The following ZBBX variants were observed in gnomAD, a reference collection of about 807,000 sequenced individuals.
The protein encoded by ZBBX is zinc finger B-box domain containing.
A neutral mutation model predicts 108.5 loss-of-function variants in ZBBX; 101 were observed. The ratio of observed to expected loss-of-function variants is 0.93; its 90% CI spans 0.79 to 1.10. ZBBX has a LOEUF of 1.10. ZBBX is among the 50% of genes least tolerant of loss of function. The pLI is 0.00. For synonymous variants in ZBBX, 356 were observed against 323.4 expected (o/e 1.10, Z -1.08); for missense variants, 1,009 against 941.4 (o/e 1.07, Z -0.94).
chr3:167,242,320 C>G (rs1720820691), intron 21 of ZBBX, among the ~76,000 whole-genome samples, 185 bp downstream of exon 21: 1 of 152,088 alleles, frequency 6.6e-6, no homozygotes, highest in Non-Finnish European at 1.5e-5. Flanking sequence ...AAAGTAACAA[C>G]TTTATAAGCC....
chr3:167,291,268 G>A (rs1244145814), intron 18 of ZBBX, among the ~76,000 whole-genome samples: 7 of 151,884 alleles, frequency 4.6e-5, no homozygotes, highest in African/African-American at 2.4e-5. Context: ...GATTCACCAA[G>A]GTTTAAATGA....
chr3:167,368,734 T>G, intron 4 of ZBBX, 160 bp from the exon 5 acceptor site: 1 of 1,277,016 alleles, frequency 7.8e-7, no homozygotes, highest in African/African-American at 1.6e-5. Context: ...AAGTTAGCAT[T>G]TGCCTTCCAT....
At chr3:167,179,442 C>T in the ZBBX span, among the ~76,000 whole-genome samples, 1 of 152,208 alleles carries the variant, frequency 6.6e-6, no homozygotes, top group Non-Finnish European at 1.5e-5. Flanking sequence ...TGATTCCCTG[C>T]AGTCAAAGGT....
chr3:167,300,357 G>GA (rs889637664), intron 17 of ZBBX, among the ~76,000 whole-genome samples: 100 of 151,118 alleles, frequency 6.6e-4, no homozygotes, highest in African/African-American at 1.8e-3. Context: ...TCACCTAATT[G>GA]AAAAAAAACA....
intron 1 of ZBBX, among the ~76,000 whole-genome samples, chr3:167,397,513 T>C (rs1449599700): frequency 6.6e-6 from 1 of 151,998 alleles, no homozygotes; most frequent in Non-Finnish European, 1.5e-5. Flanking sequence ...CCTGGTCTCA[T>C]ATATTAATAT....
intron 2 of ZBBX, among the ~76,000 whole-genome samples, chr3:167,374,450 G>A (rs1396500799): frequency 1.3e-5 from 2 of 152,010 alleles, no homozygotes; most frequent in Admixed American, 6.6e-5. Flanking sequence ...GATTTTTATA[G>A]GAATAAAAAT....
the ZBBX span, among the ~76,000 whole-genome samples, chr3:167,234,790 T>A: frequency 6.6e-6 from 1 of 151,740 alleles, no homozygotes; most frequent in African/African-American, 2.4e-5. Flanking sequence ...TAAGAGCCAA[T>A]GTGTCCACTT....
At chr3:167,301,357 C>A (rs1732638752) in intron 17 of ZBBX, among the ~76,000 whole-genome samples, 1 of 152,146 alleles carries the variant, frequency 6.6e-6, no homozygotes, top group East Asian at 1.9e-4. Context: ...GAAAGATTCC[C>A]TGAGAAAGTG....
intron 20 of ZBBX, among the ~76,000 whole-genome samples, chr3:167,261,689 C>T (rs1406577260): frequency 6.6e-6 from 1 of 151,456 alleles, no homozygotes; most frequent in Non-Finnish European, 1.5e-5. Context: ...TGCCCCACCA[C>T]CCAACAGCCC....
At chr3:167,184,476 C>A in the ZBBX span, among the ~76,000 whole-genome samples, 1 of 152,104 alleles carries the variant, frequency 6.6e-6, no homozygotes, top group Non-Finnish European at 1.5e-5. Context: ...ATGCCCTCAT[C>A]ATATGACCCA....
At chr3:167,336,166 G>T (rs1000873399) in intron 9 of ZBBX, among the ~76,000 whole-genome samples, 1 of 151,658 alleles carries the variant, frequency 6.6e-6, no homozygotes, top group Non-Finnish European at 1.5e-5. Flanking sequence ...ACAAAACAAA[G>T]ATTATTTCTG....
chr3:167,354,575 T>A (rs77447044), intron 8 of ZBBX, among the ~76,000 whole-genome samples: 2,093 of 152,014 alleles, frequency 0.014, 26 homozygotes, highest in South Asian at 0.026. Context: ...TCTAGAGAAA[T>A]GATAAAAACA....
intron 15 of ZBBX, among the ~76,000 whole-genome samples, chr3:167,314,438 C>T (rs895602967): frequency 4.6e-5 from 7 of 151,954 alleles, no homozygotes; most frequent in African/African-American, 1.7e-4. Context: ...CTCTTTCAAG[C>T]TCATTAAAAT....
the ZBBX span, among the ~76,000 whole-genome samples, chr3:167,197,645 G>A: frequency 1.3e-5 from 2 of 152,148 alleles, no homozygotes; most frequent in South Asian, 4.1e-4. Flanking sequence ...ATGTCTTTGA[G>A]AGCATATACA....
the ZBBX span, among the ~76,000 whole-genome samples, chr3:167,182,087 T>G: frequency 7.6e-4 from 116 of 152,316 alleles, 1 homozygote; most frequent in East Asian, 0.021. Context: ...CTCAGCAGTT[T>G]TCTTTTTCCC....
chr3:167,225,709 G>C, the ZBBX span, among the ~76,000 whole-genome samples: 1 of 151,686 alleles, frequency 6.6e-6, no homozygotes, highest in Non-Finnish European at 1.5e-5. Context: ...ATCAGGGAAC[G>C]GGGTGCTCTG....
rs1396976328 is a variant in ZBBX, at chr3:167,305,940, T to C, written c.1428A>G (p.Ser476=). The change falls in exon 17 of 22, where the codon TCA becomes TCG. Residue 476 remains serine, a synonymous_variant. Coordinates refer to ENST00000675490, the MANE Select transcript of ZBBX (RefSeq NM_001199201.2). Reference sequence around the variant, plus strand: ...CCACGATGTTGTCAAAATCTGTGTTTGAAGTTTCTGCTGTTAAAAACACAC... The same window carrying C: ...CCACGATGTTGTCAAAATCTGTGTTCGAAGTTTCTGCTGTTAAAAACACAC... ...YYKDNSKAET[S]NTDFDNIVDP... The C allele has an allele frequency of 6.5e-7, 1 of 1,542,688 alleles. No homozygotes were observed. Among genetic ancestry groups the C allele is most frequent in the South Asian group, 1.3e-5 (1 of 77,864 alleles).
At chr3:167,325,035 C>T (rs1737107617) in intron 11 of ZBBX, among the ~76,000 whole-genome samples, 2 of 152,122 alleles carry the variant, frequency 1.3e-5, no homozygotes, top group African/African-American at 2.4e-5. Flanking sequence ...ACACTAAGAT[C>T]CAAATCCTGT....
chr3:167,244,071 C>A (rs1289677823), intron 20 of ZBBX, among the ~76,000 whole-genome samples: 1 of 151,872 alleles, frequency 6.6e-6, no homozygotes, highest in African/African-American at 2.4e-5. Context: ...ATTTTTTAAA[C>A]CTCCTAATTA....
Sources: gnomAD v4.1 joint callset for allele counts (sites outside exome capture counted in the v4.1 genomes callset) on GRCh38, gnomAD v4.1.1 for gene constraint, MANE v1.5 for transcripts, NCBI Gene and HGNC (gene_info 2026-07-23, HGNC 2026-07-21) for gene names.